XPNPEP3: variants seen among roughly 807,000 people sequenced by gnomAD.
XPNPEP3 encodes xaa-Pro aminopeptidase 3.
Under a neutral mutation model 60.0 loss-of-function variants are expected in XPNPEP3, and 41 were observed. That is an observed-to-expected ratio of 0.68 (90% confidence interval 0.53 to 0.89). The LOEUF is 0.89. Among genes scored for constraint, XPNPEP3 ranks in the 40% least tolerant of loss-of-function variants. The pLI, the probability that XPNPEP3 is intolerant of heterozygous loss-of-function variation, is 0.00. For missense variants in XPNPEP3, 598 were observed against 638.9 expected (o/e 0.94, Z 0.69); for synonymous variants, 212 against 223.2 (o/e 0.95, Z 0.45).
At chr22:40,861,160 G>C in intron 1 of XPNPEP3, 1 of 1,614,022 alleles carries the variant, frequency 6.2e-7, no homozygotes, top group South Asian at 1.1e-5. Context: ...AAAATAGGGG[G>C]ATCTCTGTTG....
intron 4 of XPNPEP3, among the ~76,000 whole-genome samples, chr22:40,899,918 C>A (rs2146264126): frequency 6.6e-6 from 1 of 151,870 alleles, no homozygotes; most frequent in South Asian, 2.1e-4. Context: ...TGCCTGTAAT[C>A]CCGAATACTC....
At chr22:40,858,720 T>TG (rs1365651519) in intron 1 of XPNPEP3, among the ~76,000 whole-genome samples, 1 of 151,888 alleles carries the variant, frequency 6.6e-6, no homozygotes, top group East Asian at 1.9e-4. Context: ...TTAGTAGAGA[T>TG]GGGGTTTCAC....
At chr22:40,880,240 C>G (rs186504024) in intron 2 of XPNPEP3, among the ~76,000 whole-genome samples, 1 of 151,730 alleles carries the variant, frequency 6.6e-6, no homozygotes, top group Non-Finnish European at 1.5e-5. Context: ...GTTTGAATTC[C>G]TACAGTATAG....
At chr22:40,875,880 C>T (rs2058025951) in intron 2 of XPNPEP3, among the ~76,000 whole-genome samples, 1 of 150,810 alleles carries the variant, frequency 6.6e-6, no homozygotes, top group Non-Finnish European at 1.5e-5. Flanking sequence ...ATTAGCCAGG[C>T]ATGGTGGTGC....
intron 4 of XPNPEP3, among the ~76,000 whole-genome samples, chr22:40,892,882 T>G (rs5758119): frequency 0.024 from 3,698 of 152,052 alleles, 189 homozygotes; most frequent in East Asian, 0.2. Flanking sequence ...TCTCTCCACC[T>G]CCTTATGCCT....
intron 1 of XPNPEP3, among the ~76,000 whole-genome samples, chr22:40,858,547 G>A (rs1380538628): frequency 1.7e-4 from 4 of 23,478 alleles, no homozygotes; most frequent in African/African-American, 4.2e-4. Flanking sequence ...TTTTTTTTTT[G>A]AGACAGAGTC....
chr22:40,913,342 G>T (rs775441944), intron 6 of XPNPEP3, among the ~76,000 whole-genome samples: 4 of 151,496 alleles, frequency 2.6e-5, no homozygotes, highest in Admixed American at 1.3e-4. Context: ...AGAGGCTGAG[G>T]CAGGAGAATC....
At chr22:40,871,391 AGTTTAGGATATAAAATTAT>A (rs1201541227) in intron 2 of XPNPEP3, among the ~76,000 whole-genome samples, 1 of 152,138 alleles carries the variant, frequency 6.6e-6, no homozygotes, top group East Asian at 1.9e-4. Context: ...TTGGCTTGTT[AGTTTAGGATATAAAATTAT>A]GTAATGTGCA....
Position 40,932,510 on chromosome 22 carries a change from T to G in XPNPEP3, c.*6075T>G, listed in dbSNP as rs1399281368. The G allele has an allele frequency of 6.6e-6, 1 of 152,106 alleles. No homozygotes were observed. Among genetic ancestry groups the G allele is most frequent in the Non-Finnish European group, 1.5e-5 (1 of 68,028 alleles). 9.4% of individuals were successfully genotyped at this position (152,106 alleles called of 1,614,324 possible). A position where few individuals can be genotyped will look rare whatever the true frequency, so the allele number is the denominator to read the frequency against. On this transcript the variant is annotated 3_prime_UTR_variant, in exon 10 of 10. Transcript: ENST00000357137. Reference sequence around the variant, plus strand: ...ATTTCACTGTTACAAACCACATGGGTTCTCCTGGTTGTGCTGCTGTTCTCT... The same window carrying G: ...ATTTCACTGTTACAAACCACATGGGGTCTCCTGGTTGTGCTGCTGTTCTCT...
At position 40,929,109 on chromosome 22, in the gene XPNPEP3, T is replaced by G. The variant is rs2058245672; in HGVS notation, c.*2674T>G. On this transcript the variant is annotated 3_prime_UTR_variant, in exon 10 of 10. Transcript: ENST00000357137. ...AGGCTCTGTGCCCCCAACAGCCCTT[T>G]CCTTGGATTGTGTTTCCTTTGTTCA... 6.6e-6 allele frequency: 1 copy of G among 152,198 alleles called. No individual in the cohort carries two copies. Among genetic ancestry groups the G allele is most frequent in the South Asian group, 2.1e-4 (1 of 4,832 alleles). 9.4% of individuals were successfully genotyped at this position (152,198 alleles called of 1,614,324 possible).
chr22:40,921,210 C>A (rs1433408377), intron 7 of XPNPEP3, among the ~76,000 whole-genome samples: 1 of 152,088 alleles, frequency 6.6e-6, no homozygotes, highest in African/African-American at 2.4e-5. Context: ...AGGCAACTGC[C>A]TCAAGGGACA....
At chr22:40,926,174 G>T in intron 9 of XPNPEP3, 95 bp from the exon 10 acceptor site, 2 of 1,302,694 alleles carry the variant, frequency 1.5e-6, no homozygotes, top group Non-Finnish European at 2.2e-6. Flanking sequence ...CAGTATTACA[G>T]AGGAAGGAAT....
chr22:40,891,500 A>C (rs1487244354), intron 4 of XPNPEP3, among the ~76,000 whole-genome samples: 1 of 142,082 alleles, frequency 7.0e-6, no homozygotes, highest in Non-Finnish European at 1.5e-5. Flanking sequence ...TAAAAATACA[A>C]AAATTAGCTG....
At chr22:40,874,326 G>C (rs939939960) in intron 2 of XPNPEP3, among the ~76,000 whole-genome samples, 6 of 152,112 alleles carry the variant, frequency 3.9e-5, no homozygotes, top group Non-Finnish European at 8.8e-5. Context: ...AACCTGCCTA[G>C]ACTGTTGGGT....
Position 40,898,043 on chromosome 22 carries a change from C to T in XPNPEP3, c.793-9544C>T, listed in dbSNP as rs545022143. ...TCCCATTATGAGGGTTGGCTTTTTA[C>T]TATTCATAGCGTCCTTTAATGCTCA... On this transcript the variant is annotated intron_variant, in intron 4 of 9. Transcript: ENST00000357137. Among the ~76,000 whole-genome samples, 15 of 151,888 alleles carry T rather than the reference C, an allele frequency of 9.9e-5. No individual in the cohort carries two copies. In the South Asian group the frequency reaches 3.1e-3, roughly 32 times the overall value.
At chr22:40,890,900 G>A (rs751329188) in intron 4 of XPNPEP3, among the ~76,000 whole-genome samples, 3 of 151,922 alleles carry the variant, frequency 2.0e-5, no homozygotes, top group Non-Finnish European at 2.9e-5. Flanking sequence ...AGACAAAATC[G>A]TGGTGTAATT....
chr22:40,884,513 T>C (rs1295246608), intron 3 of XPNPEP3, among the ~76,000 whole-genome samples: 2 of 151,422 alleles, frequency 1.3e-5, no homozygotes, highest in Non-Finnish European at 2.9e-5. Flanking sequence ...TGTTTTTTTT[T>C]AGTAGAGACA....
intron 2 of XPNPEP3, among the ~76,000 whole-genome samples, chr22:40,881,257 C>G (rs1043922423): frequency 6.6e-6 from 1 of 151,868 alleles, no homozygotes; most frequent in Non-Finnish European, 1.5e-5. Context: ...CCATGTTGGC[C>G]GGGCTGGTCT....
At chr22:40,923,132 G>A (rs2146281322) in intron 8 of XPNPEP3, among the ~76,000 whole-genome samples, 1 of 151,636 alleles carries the variant, frequency 6.6e-6, no homozygotes, top group Middle Eastern at 3.4e-3. Context: ...AGGATCACTT[G>A]ACCCCAGAAG....
Sources: allele counts gnomAD v4.1 joint callset (sites outside exome capture counted in the v4.1 genomes callset), GRCh38; gene constraint gnomAD v4.1.1; transcripts MANE v1.5; gene names NCBI Gene and HGNC (gene_info 2026-07-23, HGNC 2026-07-21).